RBMS1: variants seen among roughly 807,000 people sequenced by gnomAD.
RBMS1 encodes the protein RNA binding motif single stranded interacting protein 1.
In RBMS1, 17 loss-of-function variants were observed where a neutral mutation model predicts 62.3. The observed-to-expected ratio is 0.27, with a 90% CI of 0.19 to 0.41. The LOEUF (loss-of-function observed/expected upper bound fraction) is 0.41. Ranked by LOEUF, RBMS1 falls within the 10% of genes least tolerant of loss-of-function variation. RBMS1 has a pLI of 1.00. For synonymous variants in RBMS1, 172 were observed against 170.0 expected, an observed-to-expected ratio of 1.01 and a Z score of -0.09; for missense variants, 334 against 504.5, an observed-to-expected ratio of 0.66 and a Z score of 3.24.
chr2:160,414,720 C>G (rs1696153359), intron 1 of RBMS1, among the ~76,000 whole-genome samples: 1 of 151,986 alleles, frequency 6.6e-6, no homozygotes, highest in Non-Finnish European at 1.5e-5. Flanking sequence ...AAGTTTCTGT[C>G]CCTAAGTTTT....
chr2:160,294,250 A>G (rs1017211603), intron 6 of RBMS1, among the ~76,000 whole-genome samples: 3 of 152,270 alleles, frequency 2.0e-5, no homozygotes, highest in African/African-American at 7.2e-5. Flanking sequence ...AGAAAAGATA[A>G]AGCCTCTTTT....
At chr2:160,281,499 A>AT in intron 9 of RBMS1, 135 bp from the exon 10 acceptor site, 2 of 661,604 alleles carry the variant, frequency 3.0e-6, no homozygotes, top group Non-Finnish European at 5.0e-6. Context: ...GATTAAAAAG[A>AT]TTAAGGCAGT....
At chr2:160,426,335 A>G (rs61280996) in intron 1 of RBMS1, among the ~76,000 whole-genome samples, 1,109 of 93,106 alleles carry the variant, frequency 0.012, 73 homozygotes, top group African/African-American at 0.029. Flanking sequence ...GGAAGGAAGG[A>G]AAGGAAGGAA....
chr2:160,373,524 C>T (rs931597359), intron 1 of RBMS1, among the ~76,000 whole-genome samples: 1 of 152,144 alleles, frequency 6.6e-6, no homozygotes. Flanking sequence ...CTTCTAAGAA[C>T]TCCAGCGACT....
chr2:160,443,163 G>A (rs896317635), intron 1 of RBMS1, among the ~76,000 whole-genome samples: 8 of 149,898 alleles, frequency 5.3e-5, no homozygotes, highest in Non-Finnish European at 7.4e-5. Flanking sequence ...CCGAGATTGC[G>A]CCACTGAACT....
chr2:160,364,740 C>T (rs1028889341), intron 2 of RBMS1, among the ~76,000 whole-genome samples: 1 of 152,156 alleles, frequency 6.6e-6, no homozygotes, highest in Non-Finnish European at 1.5e-5. Flanking sequence ...GGACTTCATG[C>T]ACTGTTTGTA....
chr2:160,308,397 AAAAACAAAAC>A (rs530401245), intron 4 of RBMS1, among the ~76,000 whole-genome samples: 115 of 152,018 alleles, frequency 7.6e-4, no homozygotes, highest in Admixed American at 1.1e-3. Context: ...TCTGGTCTCA[AAAAACAAAAC>A]AAAACAAAAC....
chr2:160,423,211 CTTTTCTTT>C (rs1469043815), intron 1 of RBMS1, among the ~76,000 whole-genome samples: 1 of 147,314 alleles, frequency 6.8e-6, no homozygotes, highest in Non-Finnish European at 1.5e-5. Flanking sequence ...TTTTTCTTTT[CTTTTCTTT>C]TTTTCTTTCA....
chr2:160,412,909 G>T (rs1272803581), intron 1 of RBMS1, among the ~76,000 whole-genome samples: 1 of 152,156 alleles, frequency 6.6e-6, no homozygotes, highest in Middle Eastern at 3.2e-3. Context: ...GCGTCCTAGA[G>T]GACCCAACAC....
intron 1 of RBMS1, among the ~76,000 whole-genome samples, chr2:160,423,866 T>C (rs1385158466): frequency 1.3e-5 from 2 of 152,174 alleles, no homozygotes; most frequent in Non-Finnish European, 1.5e-5. Flanking sequence ...GCCATTTGTA[T>C]TGTACTTTGG....
intron 1 of RBMS1, among the ~76,000 whole-genome samples, chr2:160,463,232 G>A (rs1684543888): frequency 6.6e-6 from 1 of 152,184 alleles, no homozygotes; most frequent in African/African-American, 2.4e-5. Context: ...TCAAAAAGAT[G>A]TTCAGAGTGG....
At chr2:160,316,221 T>C (rs1250508826) in intron 3 of RBMS1, among the ~76,000 whole-genome samples, 2 of 152,198 alleles carry the variant, frequency 1.3e-5, no homozygotes, top group Non-Finnish European at 2.9e-5. Flanking sequence ...AATTACTTTT[T>C]TCTTGCTTCT....
chr2:160,277,328 A>G lies in RBMS1; in HGVS notation c.1118T>C (p.Met373Thr), dbSNP rs1032028831. 3 of 1,613,402 alleles carry G rather than the reference A, an allele frequency of 1.9e-6. No individual in the cohort carries two copies. The highest frequency in any genetic ancestry group is 2.5e-6 in the Non-Finnish European group (3 of 1,179,356). The change falls in exon 12 of 14, where the codon ATG becomes ACG. Residue 373 changes from methionine to threonine, a missense_variant. By Grantham distance (81) the Met-to-Thr change is moderately conservative. Coordinates refer to ENST00000348849, the MANE Select transcript of RBMS1 (RefSeq NM_016836.4). The stretch of plus-strand genomic sequence containing the variant: ...CTCAACAGGAACCGCTGTCGTCTGC[A>G]TATGTGCATACTGTGGCAAGTAGGC... ...QGAYLPQYAH[M>T]QTTAVPVEEA... is the part of the protein sequence containing the mutation.
chr2:160,350,331 A>G (rs958276735), intron 2 of RBMS1, among the ~76,000 whole-genome samples: 1 of 152,106 alleles, frequency 6.6e-6, no homozygotes, highest in African/African-American at 2.4e-5. Flanking sequence ...TGTGGTATTA[A>G]AATTCTTCTG....
At chr2:160,404,375 A>C (rs1695585850) in intron 1 of RBMS1, among the ~76,000 whole-genome samples, 1 of 152,192 alleles carries the variant, frequency 6.6e-6, no homozygotes, top group Admixed American at 6.5e-5. Context: ...AACTGAAACT[A>C]GCTCACTCCT....
intron 1 of RBMS1, among the ~76,000 whole-genome samples, chr2:160,472,223 T>C (rs966396653): frequency 2.0e-5 from 3 of 152,170 alleles, no homozygotes; most frequent in African/African-American, 7.2e-5. Flanking sequence ...TGTAAACTAT[T>C]TCTCAGAATT....
chr2:160,456,905 T>C (rs963755026), intron 1 of RBMS1, among the ~76,000 whole-genome samples: 2 of 152,084 alleles, frequency 1.3e-5, no homozygotes, highest in Non-Finnish European at 2.9e-5. Flanking sequence ...CTGTGGGCTA[T>C]TTTATCAACA....
chr2:160,402,396 T>C (rs1470839538), intron 1 of RBMS1, among the ~76,000 whole-genome samples: 1 of 152,030 alleles, frequency 6.6e-6, no homozygotes, highest in Non-Finnish European at 1.5e-5. Flanking sequence ...ATTATCATGA[T>C]TTTTTTTATA....
At chr2:160,473,510 G>A (rs914963599) in intron 1 of RBMS1, among the ~76,000 whole-genome samples, 4 of 152,148 alleles carry the variant, frequency 2.6e-5, no homozygotes. Flanking sequence ...AAGGAGGAAG[G>A]AAAGGCAGAG....
Sources: allele counts gnomAD v4.1 joint callset (sites outside exome capture counted in the v4.1 genomes callset), GRCh38; gene constraint gnomAD v4.1.1; transcripts MANE v1.5; gene names NCBI Gene and HGNC (gene_info 2026-07-23, HGNC 2026-07-21).